The following GRM7 variants were observed in gnomAD, a reference collection of about 807,000 sequenced individuals.
The protein encoded by GRM7 is glutamate metabotropic receptor 7.
In GRM7, 35 loss-of-function variants were observed where a neutral mutation model predicts 84.5. The ratio of observed to expected loss-of-function variants is 0.41; its 90% CI spans 0.32 to 0.55. The LOEUF is 0.55. GRM7 is among the 20% of genes least tolerant of loss of function. The probability of loss-of-function intolerance (pLI) is 0.19; values close to 1 mark genes in which losing one functional copy is unlikely to be tolerated. For synonymous variants in GRM7, 487 were observed against 455.1 expected (o/e 1.07, Z -0.89); for missense variants, 1,003 against 1,194.6 (o/e 0.84, Z 2.36).
intron 2 of GRM7, among the ~76,000 whole-genome samples, chr3:7,230,673 C>A (rs1000945256): frequency 6.6e-6 from 1 of 152,104 alleles, no homozygotes; most frequent in Non-Finnish European, 1.5e-5. Context: ...TTCAAAGAGA[C>A]TTTGTTTGTA....
At chr3:7,225,230 C>G (rs141616958) in intron 2 of GRM7, among the ~76,000 whole-genome samples, 1,921 of 151,472 alleles carry the variant, frequency 0.013, 14 homozygotes, top group Non-Finnish European at 0.02. Flanking sequence ...TCACTCATAC[C>G]TTTCAAATTG....
At chr3:7,406,670 A>G (rs572359642) in intron 4 of GRM7, among the ~76,000 whole-genome samples, 1 of 152,172 alleles carries the variant, frequency 6.6e-6, no homozygotes, top group Non-Finnish European at 1.5e-5. Flanking sequence ...CTGAGACATT[A>G]TGTCTTCTTA....
intron 1 of GRM7, among the ~76,000 whole-genome samples, chr3:7,128,845 G>T (rs1693493146): frequency 6.6e-6 from 1 of 151,932 alleles, no homozygotes; most frequent in Non-Finnish European, 1.5e-5. Flanking sequence ...CAGGTTAAGG[G>T]AGCTATCTTT....
At chr3:6,940,272 A>G (rs1697841915) in intron 1 of GRM7, among the ~76,000 whole-genome samples, 2 of 152,016 alleles carry the variant, frequency 1.3e-5, no homozygotes, top group Admixed American at 1.3e-4. Context: ...TTATATTTTT[A>G]GTAGAGATGG....
In GRM7 at chr3:7,007,032, G is replaced by A. The variant is rs545648117; in HGVS notation, c.520-139420G>A. 1.6e-4 allele frequency among the ~76,000 whole-genome samples: 25 copies of A among 152,278 alleles called. No individual in the cohort carries two copies. In the South Asian group the frequency reaches 5.0e-3, roughly 30 times the overall value. On this transcript the variant is annotated intron_variant, in intron 1 of 9. Coordinates refer to ENST00000357716, the MANE Select transcript of GRM7 (RefSeq NM_000844.4). ...TAGACAGCTTCCTAGAGCTAATTTG[G>A]TTATTACTTCTGGATAGGCTGAATA... is the stretch of plus-strand genomic sequence containing the variant.
chr3:7,657,396 C>CGT (rs1699254844), intron 8 of GRM7, among the ~76,000 whole-genome samples: 1 of 152,174 alleles, frequency 6.6e-6, no homozygotes, highest in African/African-American at 2.4e-5. Context: ...ACAGGGTTCA[C>CGT]GTGTGATGTG....
intron 4 of GRM7, among the ~76,000 whole-genome samples, chr3:7,408,693 G>A (rs73015504): frequency 5.9e-5 from 9 of 152,310 alleles, no homozygotes; most frequent in Non-Finnish European, 1.2e-4. Context: ...GTAACACTGC[G>A]CAAATGCTAG....
chr3:7,052,036 A>C (rs2124956220), intron 1 of GRM7, among the ~76,000 whole-genome samples: 1 of 151,822 alleles, frequency 6.6e-6, no homozygotes, highest in Non-Finnish European at 1.5e-5. Context: ...TAAAATAACA[A>C]ATTATGTTAG....
intron 4 of GRM7, among the ~76,000 whole-genome samples, chr3:7,347,311 T>C (rs182290297): frequency 3.3e-5 from 5 of 152,306 alleles, no homozygotes; most frequent in Admixed American, 6.5e-5. Context: ...ACCTCTGTTA[T>C]ACATTTTATG....
chr3:7,394,125 A>G (rs1695111748), intron 4 of GRM7, among the ~76,000 whole-genome samples: 1 of 152,174 alleles, frequency 6.6e-6, no homozygotes, highest in South Asian at 2.1e-4. Flanking sequence ...ACACAGCTAT[A>G]AGAGACTAGA....
At chr3:7,626,019 A>G (rs909201543) in intron 8 of GRM7, among the ~76,000 whole-genome samples, 2 of 152,156 alleles carry the variant, frequency 1.3e-5, no homozygotes, top group African/African-American at 2.4e-5. Flanking sequence ...TTTCAAAAAC[A>G]TGGGAGGCAT....
intron 7 of GRM7, among the ~76,000 whole-genome samples, chr3:7,509,973 C>A (rs563262244): frequency 3.3e-5 from 5 of 152,216 alleles, no homozygotes; most frequent in African/African-American, 1.2e-4. Context: ...GGAACATAAG[C>A]CAGTGTTATC....
intron 1 of GRM7, among the ~76,000 whole-genome samples, chr3:7,094,253 A>G (rs1261875859): frequency 2.6e-5 from 4 of 152,254 alleles, no homozygotes; most frequent in Non-Finnish European, 5.9e-5. Flanking sequence ...ATAAAAATAA[A>G]GAATGAGTAT....
intron 1 of GRM7, among the ~76,000 whole-genome samples, chr3:6,968,807 G>A (rs1251926666): frequency 6.6e-6 from 1 of 152,120 alleles, no homozygotes; most frequent in Non-Finnish European, 1.5e-5. Context: ...GTGTCTGAAA[G>A]CAAGGCACTT....
Position 7,237,300 on chromosome 3 carries a change from T to G in GRM7, c.737-61384T>G, listed in dbSNP as rs1433044495. 4.6e-5 allele frequency among the ~76,000 whole-genome samples: 7 copies of G among 152,328 alleles called. 1 individual carries two copies. The South Asian group carries it at 1.2e-3, about 27-fold the overall frequency. Reference sequence around the variant, plus strand: ...CCCTTAACTTTAAGCAGTCCTTCTATTAGGTGTTCTTGGAAATCCTGTAGA... The same window carrying G: ...CCCTTAACTTTAAGCAGTCCTTCTAGTAGGTGTTCTTGGAAATCCTGTAGA... On this transcript the variant is annotated intron_variant, in intron 2 of 9. Coordinates refer to ENST00000357716, the MANE Select transcript of GRM7 (RefSeq NM_000844.4).
At chr3:7,087,893 G>A (rs566446872) in intron 1 of GRM7, among the ~76,000 whole-genome samples, 1 of 152,266 alleles carries the variant, frequency 6.6e-6, no homozygotes, top group East Asian at 1.9e-4. Flanking sequence ...TGCCATCTTT[G>A]TCTAATACTT....
chr3:7,234,689 G>T (rs1051748374), intron 2 of GRM7, among the ~76,000 whole-genome samples: 2 of 152,002 alleles, frequency 1.3e-5, no homozygotes, highest in Non-Finnish European at 2.9e-5. Flanking sequence ...AAAGGAAATT[G>T]TTTCTTTATG....
At chr3:7,094,817 T>C (rs1255485125) in intron 1 of GRM7, among the ~76,000 whole-genome samples, 1 of 152,170 alleles carries the variant, frequency 6.6e-6, no homozygotes, top group East Asian at 1.9e-4. Flanking sequence ...TGCATGTAAA[T>C]CACTTAGCAT....
At chr3:7,382,627 G>A (rs1313026210) in intron 4 of GRM7, among the ~76,000 whole-genome samples, 1 of 152,128 alleles carries the variant, frequency 6.6e-6, no homozygotes, top group Non-Finnish European at 1.5e-5. Flanking sequence ...AAAGCTTGTT[G>A]AATAAAAAGG....
Sources: allele counts gnomAD v4.1 joint callset (sites outside exome capture counted in the v4.1 genomes callset), GRCh38; gene constraint gnomAD v4.1.1; transcripts MANE v1.5; gene names NCBI Gene and HGNC (gene_info 2026-07-23, HGNC 2026-07-21).